CHRM2: variants seen among roughly 807,000 people sequenced by gnomAD.
The protein encoded by CHRM2 is cholinergic receptor muscarinic 2.
Under a neutral mutation model 25.0 loss-of-function variants are expected in CHRM2, and 8 were observed. That is an observed-to-expected ratio of 0.32 (90% CI 0.19 to 0.58). The LOEUF (loss-of-function observed/expected upper bound fraction) is 0.58. CHRM2 is among the 20% of genes least tolerant of loss of function. The pLI is 0.88. For synonymous variants in CHRM2, 202 were observed against 205.7 expected, an observed-to-expected ratio of 0.98 and a Z score of 0.15; for missense variants, 440 against 567.1, an observed-to-expected ratio of 0.78 and a Z score of 2.28.
intron 2 of CHRM2, among the ~76,000 whole-genome samples, chr7:136,959,620 G>C (rs1800942756): frequency 6.6e-6 from 1 of 152,080 alleles, no homozygotes; most frequent in Middle Eastern, 3.2e-3. Context: ...ATGTTAAGAA[G>C]GAAGTGAAGG....
intron 2 of CHRM2, among the ~76,000 whole-genome samples, chr7:136,897,329 C>A (rs1459917065): frequency 6.6e-6 from 1 of 151,960 alleles, no homozygotes; most frequent in Non-Finnish European, 1.5e-5. Context: ...GAGATCTGCA[C>A]TAAAAATATT....
chr7:136,990,522 T>C (rs1157243879), intron 2 of CHRM2, among the ~76,000 whole-genome samples: 1 of 152,168 alleles, frequency 6.6e-6, no homozygotes, highest in South Asian at 2.1e-4. Context: ...GCATTTAATG[T>C]TCCCTTATGT....
chr7:136,925,263 C>A (rs1277776891), intron 2 of CHRM2, among the ~76,000 whole-genome samples: 1 of 152,106 alleles, frequency 6.6e-6, no homozygotes, highest in Non-Finnish European at 1.5e-5. Flanking sequence ...CAACCGGATG[C>A]CAGATATCCG....
chr7:136,943,798 C>T (rs1410385757), intron 2 of CHRM2, among the ~76,000 whole-genome samples: 3 of 151,992 alleles, frequency 2.0e-5, no homozygotes, highest in Non-Finnish European at 2.9e-5. Flanking sequence ...ATGGAGGACA[C>T]AAAGTATCTC....
At chr7:136,991,147 T>G (rs2131017991) in intron 2 of CHRM2, among the ~76,000 whole-genome samples, 1 of 152,300 alleles carries the variant, frequency 6.6e-6, no homozygotes, top group Admixed American at 6.5e-5. Flanking sequence ...AAGTTCAGTT[T>G]ATCAATTATT....
chr7:137,010,548 A>G (rs1804734844), intron 3 of CHRM2, among the ~76,000 whole-genome samples: 1 of 152,066 alleles, frequency 6.6e-6, no homozygotes. Context: ...TGCAGTTTGC[A>G]GGAGGAAACT....
At chr7:136,955,393 T>A (rs1800665318) in intron 2 of CHRM2, among the ~76,000 whole-genome samples, 1 of 152,174 alleles carries the variant, frequency 6.6e-6, no homozygotes, top group Non-Finnish European at 1.5e-5. Flanking sequence ...ACTCTTGTCC[T>A]CGGGTTTTCA....
At chr7:136,957,363 T>C (rs751472681) in intron 2 of CHRM2, among the ~76,000 whole-genome samples, 20 of 152,204 alleles carry the variant, frequency 1.3e-4, no homozygotes, top group Admixed American at 4.6e-4. Flanking sequence ...CTGTTAACTA[T>C]TGGCAAAATA....
At position 136,906,670 on chromosome 7, in the gene CHRM2, C is replaced by T. The variant is rs116055709; in HGVS notation, c.-125+37252C>T. 4.0e-3 allele frequency among the ~76,000 whole-genome samples: 608 copies of T among 151,468 alleles called. 3 individuals are homozygous for T. The highest frequency in any genetic ancestry group is 0.014 in the African/African-American group (576 of 41,290). On this transcript the variant is annotated intron_variant, in intron 2 of 3. Coordinates refer to ENST00000680005, the MANE Select transcript of CHRM2 (RefSeq NM_001006630.2). ...GTTTTAATAAACTTAATATTTTGAG[C>T]GAATGCATATCTAGGTATATATTTC...
chr7:136,962,290 T>C (rs530511442), intron 2 of CHRM2, among the ~76,000 whole-genome samples: 1 of 152,122 alleles, frequency 6.6e-6, no homozygotes, highest in East Asian at 1.9e-4. Flanking sequence ...TGCGCCACCA[T>C]GCTGGGCTAA....
intron 2 of CHRM2, among the ~76,000 whole-genome samples, chr7:136,961,736 G>T (rs1237300538): frequency 6.6e-6 from 1 of 151,900 alleles, no homozygotes; most frequent in Admixed American, 6.6e-5. Context: ...CTTTATTAGA[G>T]AAAAGAGGTA....
chr7:136,879,348 T>G (rs1796169870), intron 2 of CHRM2, among the ~76,000 whole-genome samples: 2 of 151,994 alleles, frequency 1.3e-5, no homozygotes, highest in South Asian at 4.1e-4. Flanking sequence ...TACTTAACCT[T>G]AACTTCTGCA....
chr7:136,974,136 A>T (rs940665569), intron 2 of CHRM2, among the ~76,000 whole-genome samples: 1 of 152,178 alleles, frequency 6.6e-6, no homozygotes, highest in Non-Finnish European at 1.5e-5. Flanking sequence ...CACCTGAATT[A>T]ATTAATTTTA....
intron 2 of CHRM2, among the ~76,000 whole-genome samples, chr7:136,874,315 T>C (rs1015299978): frequency 6.6e-6 from 1 of 152,220 alleles, no homozygotes; most frequent in Non-Finnish European, 1.5e-5. Context: ...TTTGCCTCTT[T>C]CCACTCTTTA....
At chr7:136,976,975 T>C (rs903621098) in intron 2 of CHRM2, among the ~76,000 whole-genome samples, 1 of 152,228 alleles carries the variant, frequency 6.6e-6, no homozygotes, top group Admixed American at 6.5e-5. Flanking sequence ...TATGTAAACA[T>C]TGTAGTTGCT....
At chr7:136,994,378 G>T (rs1803432855) in intron 3 of CHRM2, among the ~76,000 whole-genome samples, 1 of 151,978 alleles carries the variant, frequency 6.6e-6, no homozygotes, top group Non-Finnish European at 1.5e-5. Context: ...TTAATATTAT[G>T]ACTTTGCCTT....
At chr7:136,902,617 A>T (rs1797289630) in intron 2 of CHRM2, 1 of 154,104 alleles carries the variant, frequency 6.5e-6, no homozygotes, top group Non-Finnish European at 1.4e-5. Context: ...TAGATTGAGA[A>T]GGGATTAGGA....
chr7:136,999,384 AAATAT>A (rs1417379062), intron 3 of CHRM2, among the ~76,000 whole-genome samples: 1 of 152,044 alleles, frequency 6.6e-6, no homozygotes, highest in Non-Finnish European at 1.5e-5. Flanking sequence ...AAATAAAATA[AAATAT>A]ATTTTACTTC....
At chr7:136,987,705 T>C (rs969607598) in intron 2 of CHRM2, among the ~76,000 whole-genome samples, 1 of 152,178 alleles carries the variant, frequency 6.6e-6, no homozygotes, top group Non-Finnish European at 1.5e-5. Context: ...CAGTCGGAGC[T>C]ACCAGGGACT....
Sources: gnomAD v4.1 joint callset for allele counts (sites outside exome capture counted in the v4.1 genomes callset) on GRCh38, gnomAD v4.1.1 for gene constraint, MANE v1.5 for transcripts, NCBI Gene and HGNC (gene_info 2026-07-23, HGNC 2026-07-21) for gene names.